TESK2: variants seen among roughly 807,000 people sequenced by gnomAD.
TESK2 encodes dual specificity testis-specific protein kinase 2.
TESK2 carries 39 observed loss-of-function variants against 57.1 expected under a neutral mutation model. The observed-to-expected ratio is 0.68, with a 90% CI of 0.53 to 0.89. The LOEUF (loss-of-function observed/expected upper bound fraction) is 0.89. Ranked by LOEUF, TESK2 falls within the 40% of genes least tolerant of loss-of-function variation. The pLI is 0.00. For missense variants in TESK2, 646 were observed against 732.1 expected (o/e 0.88, Z 1.36); for synonymous variants, 249 against 267.9 (o/e 0.93, Z 0.69).
At chr1:45,406,137 C>T (rs995048270) in intron 3 of TESK2, among the ~76,000 whole-genome samples, 9 of 151,938 alleles carry the variant, frequency 5.9e-5, no homozygotes, top group African/African-American at 1.2e-4. Flanking sequence ...CAGGCTGAGG[C>T]AGAAGAATTG....
At chr1:45,348,546 G>A (rs1190517239) in intron 5 of TESK2, among the ~76,000 whole-genome samples, 1 of 152,194 alleles carries the variant, frequency 6.6e-6, no homozygotes, top group Non-Finnish European at 1.5e-5. Flanking sequence ...TGGCCTAGCC[G>A]CTGTCCCCCT....
At chr1:45,356,141 G>C (rs1275239201) in intron 4 of TESK2, among the ~76,000 whole-genome samples, 1 of 152,016 alleles carries the variant, frequency 6.6e-6, no homozygotes, top group Non-Finnish European at 1.5e-5. Flanking sequence ...CAGGGCATCT[G>C]AATCATGGCA....
intron 2 of TESK2, among the ~76,000 whole-genome samples, chr1:45,456,261 A>C (rs1161076993): frequency 6.6e-6 from 1 of 151,750 alleles, no homozygotes; most frequent in African/African-American, 2.4e-5. Flanking sequence ...GCTCATGCCT[A>C]TAATCCCAGC....
intron 4 of TESK2, among the ~76,000 whole-genome samples, chr1:45,380,546 TAGAAG>T (rs1321358829): frequency 2.0e-5 from 3 of 152,240 alleles, no homozygotes; most frequent in Non-Finnish European, 4.4e-5. Flanking sequence ...ATCTTGGCTA[TAGAAG>T]AGAAAACATA....
At position 45,414,230 on chromosome 1, in the gene TESK2, T is replaced by C. The variant is rs192712180; in HGVS notation, c.344+7495A>G. On this transcript the variant is annotated intron_variant, in intron 3 of 10. Transcript: ENST00000372086. Reference sequence around the variant, plus strand: ...TAAAAACATAAATGATATAAATAATTAGAAGCTTCTTTTAAAAAGTAATCC... The same window carrying C: ...TAAAAACATAAATGATATAAATAATCAGAAGCTTCTTTTAAAAAGTAATCC... Among the ~76,000 whole-genome samples the C allele has an allele frequency of 9.8e-5, 15 of 152,292 alleles. No homozygotes were observed. The East Asian group carries it at 2.7e-3, about 27-fold the overall frequency.
intron 1 of TESK2, among the ~76,000 whole-genome samples, chr1:45,489,276 C>T (rs1335522877): frequency 1.3e-5 from 2 of 152,158 alleles, no homozygotes; most frequent in Non-Finnish European, 2.9e-5. Flanking sequence ...GTTCTTGTCC[C>T]GTTCCTTTAA....
intron 4 of TESK2, among the ~76,000 whole-genome samples, chr1:45,384,354 T>TGTAC (rs1244279184): frequency 1.4e-5 from 2 of 142,794 alleles, no homozygotes; most frequent in Non-Finnish European, 3.1e-5. Flanking sequence ...TATGTATGTA[T>TGTAC]GTACGTACGT....
chr1:45,482,599 TTA>T (rs1491424416), intron 1 of TESK2, among the ~76,000 whole-genome samples: 1 of 63,190 alleles, frequency 1.6e-5, no homozygotes, highest in African/African-American at 8.3e-5. Context: ...TGGTCAGCCA[TTA>T]AAAAAAAAAA....
intron 7 of TESK2, 121 bp from the exon 8 acceptor site, chr1:45,347,183 TACTTCATCCCAGTC>T: frequency 1.3e-6 from 1 of 767,606 alleles, no homozygotes; most frequent in Non-Finnish European, 2.2e-6. Flanking sequence ...ATATTGCCCA[TACTTCATCCCAGTC>T]AGTCACTGGG....
chr1:45,436,938 C>T (rs1249010163), intron 2 of TESK2, among the ~76,000 whole-genome samples: 1 of 151,962 alleles, frequency 6.6e-6, no homozygotes, highest in African/African-American at 2.4e-5. Flanking sequence ...CTTGGAACTA[C>T]AGGCATGTGC....
chr1:45,411,325 C>T (rs1650032415), intron 3 of TESK2, among the ~76,000 whole-genome samples: 1 of 152,068 alleles, frequency 6.6e-6, no homozygotes. Context: ...TTTCCACAGA[C>T]TCGGGTGAGG....
chr1:45,346,686 C>G lies in TESK2; in HGVS notation c.879+7G>C. On this transcript the variant is annotated splice_region_variant and intron_variant, in intron 9 of 10. Coordinates refer to ENST00000372086, the MANE Select transcript of TESK2 (RefSeq NM_007170.3). ...CTGATGAAAGGCAGAGGGAGAAAGACACTCACGTTACAGCAGTTGAAAGTA... is the reference window on the plus strand; with the variant it reads ...CTGATGAAAGGCAGAGGGAGAAAGAGACTCACGTTACAGCAGTTGAAAGTA... 8 of 1,611,288 alleles carry G rather than the reference C, an allele frequency of 5.0e-6. No individual in the cohort carries two copies. Among genetic ancestry groups the G allele is most frequent in the Non-Finnish European group, 6.8e-6 (8 of 1,178,346 alleles).
chr1:45,359,661 C>G (rs924828195), intron 4 of TESK2, among the ~76,000 whole-genome samples: 1 of 151,914 alleles, frequency 6.6e-6, no homozygotes. Flanking sequence ...GCTAGGAGTT[C>G]GAGACCAGTC....
At chr1:45,421,696 A>G in intron 3 of TESK2, 29 bp downstream of exon 3, 1 of 1,612,362 alleles carries the variant, frequency 6.2e-7, no homozygotes, top group Admixed American at 1.7e-5. Context: ...CAGTTTTCTC[A>G]TTGATCAGAA....
intron 1 of TESK2, among the ~76,000 whole-genome samples, chr1:45,475,967 C>G (rs576287136): frequency 2.0e-5 from 3 of 152,336 alleles, no homozygotes; most frequent in Non-Finnish European, 4.4e-5. Context: ...GCTGCACTGT[C>G]AGCTTCCCTA....
intron 5 of TESK2, among the ~76,000 whole-genome samples, chr1:45,351,837 TTA>T (rs57653826): frequency 0.84 from 128,019 of 152,102 alleles, 54,280 homozygotes; most frequent in African/African-American, 0.94. Flanking sequence ...CAGGAAGACT[TTA>T]TACTCTCATA....
intron 4 of TESK2, among the ~76,000 whole-genome samples, chr1:45,363,765 T>C (rs1647793685): frequency 6.6e-6 from 1 of 151,872 alleles, no homozygotes; most frequent in Non-Finnish European, 1.5e-5. Flanking sequence ...AGTATGAAGC[T>C]AAAAAGTTAA....
intron 2 of TESK2, among the ~76,000 whole-genome samples, chr1:45,437,373 T>C (rs1168331090): frequency 1.3e-5 from 2 of 152,226 alleles, no homozygotes; most frequent in Non-Finnish European, 1.5e-5. Flanking sequence ...TAGTGGTGTA[T>C]AGAAATGCTG....
rs544783200 is a variant in TESK2, at chr1:45,427,209, C to T, written c.223-5363G>A. ...AGTGAGCCAAGATCACGCCACTGCA[C>T]TTCAGCCTCAGCAAGACTCTGTCTC... On this transcript the variant is annotated intron_variant, in intron 2 of 10. Transcript: ENST00000372086. Among the ~76,000 whole-genome samples the T allele has an allele frequency of 4.8e-5, 7 of 144,694 alleles. No individual in the cohort carries two copies. The South Asian group carries it at 1.1e-3, about 22-fold the overall frequency. The allele number at this position is 144,694 out of a possible 152,430, so 94.9% of individuals were successfully genotyped here. A position where few individuals can be genotyped will look rare whatever the true frequency, so the allele number is the denominator to read the frequency against.
Sources: allele counts gnomAD v4.1 joint callset (sites outside exome capture counted in the v4.1 genomes callset), GRCh38; gene constraint gnomAD v4.1.1; transcripts MANE v1.5; gene names NCBI Gene and HGNC (gene_info 2026-07-23, HGNC 2026-07-21).